USP34: variants seen among roughly 807,000 people sequenced by gnomAD.
The protein encoded by USP34 is ubiquitin specific peptidase 34, also known as ubiquitin carboxyl-terminal hydrolase 34.
USP34 carries 70 observed loss-of-function variants against 460.3 expected under a neutral mutation model. The observed-to-expected ratio is 0.15, with a 90% CI of 0.13 to 0.19. The LOEUF is 0.19. USP34 is among the 10% of genes least tolerant of loss of function. The probability of loss-of-function intolerance (pLI) is 1.00; values close to 1 mark genes in which losing one functional copy is unlikely to be tolerated. For synonymous variants in USP34, 1,647 were observed against 1,405.3 expected, an observed-to-expected ratio of 1.17 and a Z score of -3.85; for missense variants, 3,985 against 4,236.2, an observed-to-expected ratio of 0.94 and a Z score of 1.65.
intron 29 of USP34, 23 bp downstream of exon 29, chr2:61,300,928 T>A (rs1477161901): frequency 6.5e-7 from 1 of 1,542,554 alleles, no homozygotes; most frequent in South Asian, 1.2e-5. Flanking sequence ...AAAACAAGAT[T>A]TGTGAAAATG....
At chr2:61,366,284 G>T (rs1692438449) in intron 10 of USP34, among the ~76,000 whole-genome samples, 1 of 152,204 alleles carries the variant, frequency 6.6e-6, no homozygotes, top group African/African-American at 2.4e-5. Context: ...TAAGTTGTAA[G>T]AAAGCTATAG....
intron 43 of USP34, among the ~76,000 whole-genome samples, chr2:61,263,423 C>G (rs530434207): frequency 6.6e-6 from 1 of 151,730 alleles, no homozygotes; most frequent in South Asian, 2.1e-4. Flanking sequence ...TCAGGTGATC[C>G]GCCCGCCTCG....
At chr2:61,327,088 G>A (rs1164299201) in intron 20 of USP34, among the ~76,000 whole-genome samples, 1 of 151,804 alleles carries the variant, frequency 6.6e-6, no homozygotes, top group Admixed American at 6.6e-5. Context: ...GCACAGCCTG[G>A]GCATCTTAAT....
intron 53 of USP34, among the ~76,000 whole-genome samples, chr2:61,237,711 G>A (rs1462846940): frequency 2.0e-5 from 3 of 150,804 alleles, no homozygotes; most frequent in African/African-American, 7.3e-5. Flanking sequence ...TGGGACCACA[G>A]GTGCGTGCCA....
chr2:61,408,648 C>A (rs1395293970), intron 2 of USP34, among the ~76,000 whole-genome samples: 1 of 152,008 alleles, frequency 6.6e-6, no homozygotes, highest in African/African-American at 2.4e-5. Flanking sequence ...GTCATCACAG[C>A]ACTTTGGGAG....
intron 5 of USP34, among the ~76,000 whole-genome samples, chr2:61,386,448 T>G (rs1190336412): frequency 6.6e-6 from 1 of 151,990 alleles, no homozygotes; most frequent in Non-Finnish European, 1.5e-5. Flanking sequence ...GGTAAAGCAA[T>G]AATACTTGTT....
chr2:61,195,051 C>T (rs932887733), intron 75 of USP34, among the ~76,000 whole-genome samples: 9 of 150,956 alleles, frequency 6.0e-5, no homozygotes, highest in African/African-American at 1.9e-4. Context: ...GAAACCCCGT[C>T]TCTACTAAAA....
intron 1 of USP34, among the ~76,000 whole-genome samples, chr2:61,449,463 A>G (rs986683045): frequency 1.3e-5 from 2 of 151,922 alleles, no homozygotes; most frequent in African/African-American, 2.4e-5. Context: ...TTGATCCTAA[A>G]ACTCAGAAGG....
chr2:61,435,307 C>CAAAAAAA (rs59158283), intron 1 of USP34, among the ~76,000 whole-genome samples: 10,384 of 40,350 alleles, frequency 0.26, 2,122 homozygotes, highest in Non-Finnish European at 0.3. Context: ...GACCTTGTTT[C>CAAAAAAA]AAAAAAAAAA....
intron 16 of USP34, among the ~76,000 whole-genome samples, chr2:61,341,926 C>G (rs576804499): frequency 2.6e-3 from 400 of 151,786 alleles, no homozygotes; most frequent in African/African-American, 9.4e-3. Context: ...TCACACCCAG[C>G]TGATTTTTGT....
chr2:61,404,536 C>G (rs940030570), intron 3 of USP34, among the ~76,000 whole-genome samples: 2 of 152,122 alleles, frequency 1.3e-5, no homozygotes, highest in South Asian at 4.1e-4. Context: ...CTACTTTTGC[C>G]TTCCTGGAGC....
intron 57 of USP34, among the ~76,000 whole-genome samples, chr2:61,234,393 C>T (rs573884225): frequency 6.6e-6 from 1 of 152,274 alleles, no homozygotes; most frequent in East Asian, 1.9e-4. Flanking sequence ...CTGTCATTAC[C>T]TTTGAGTGGG....
chr2:61,212,485 C>T (rs893260166), intron 68 of USP34, among the ~76,000 whole-genome samples: 4 of 152,096 alleles, frequency 2.6e-5, no homozygotes, highest in Non-Finnish European at 4.4e-5. Flanking sequence ...ATGAGGTAAA[C>T]CTTTGTTCCA....
chr2:61,455,206 T>TCTCC (rs1300991463), intron 1 of USP34, among the ~76,000 whole-genome samples: 1 of 149,130 alleles, frequency 6.7e-6, no homozygotes, highest in Non-Finnish European at 1.5e-5. Flanking sequence ...TGAGACAGAG[T>TCTCC]CTCCGTCTGT....
At chr2:61,239,900 A>G (rs1203914772) in intron 53 of USP34, among the ~76,000 whole-genome samples, 3 of 151,788 alleles carry the variant, frequency 2.0e-5, no homozygotes, top group Non-Finnish European at 4.4e-5. Flanking sequence ...AGTCCCAGCT[A>G]CTAGGGAGGC....
intron 2 of USP34, among the ~76,000 whole-genome samples, chr2:61,408,768 C>G (rs566087655): frequency 1.3e-5 from 2 of 152,154 alleles, no homozygotes; most frequent in South Asian, 4.2e-4. Context: ...GGTGGTCTAC[C>G]TGTAATCCCA....
chr2:61,194,951 CAAAAAAAAAAAA>C (rs59097382), intron 75 of USP34, among the ~76,000 whole-genome samples: 1 of 126,238 alleles, frequency 7.9e-6, no homozygotes, highest in African/African-American at 3.0e-5. Context: ...GAAACTCTGT[CAAAAAAAAAAAA>C]AAAAAAAGTT....
rs559924448 is a variant in USP34, at chr2:61,278,025, G to A, written c.5433+140C>T. ...CCCCAGCCACATGGAACTCTGAGTC[G>A]AATTAAACCCTTTTCTTTTGTAAAC... On this transcript the variant is annotated intron_variant, in intron 41 of 79. Transcript: ENST00000398571. The A allele has an allele frequency of 3.4e-5, 38 of 1,102,942 alleles. No homozygotes were observed. In the African/African-American group the frequency reaches 4.5e-4, roughly 13 times the overall value. The allele number at this position is 1,102,942 out of a possible 1,614,324, so 68.3% of individuals were successfully genotyped here.
rs142406156 is a variant in USP34 at position 61,455,251 on chromosome 2, T to C, written c.43+15399A>G. Among the ~76,000 whole-genome samples the C allele has an allele frequency of 1.0e-3, 153 of 152,204 alleles. 2 individuals carry two copies. The East Asian group carries it at 0.01, about 10-fold the overall frequency. On this transcript the variant is annotated intron_variant, in intron 1 of 79. Coordinates refer to ENST00000398571, the MANE Select transcript of USP34 (RefSeq NM_014709.4). ...TGGAGTGCAGTGGTACGATCTCAGCTCACTGCAACCTCCGCCTCCCGGGTT... is the reference window on the plus strand; with the variant it reads ...TGGAGTGCAGTGGTACGATCTCAGCCCACTGCAACCTCCGCCTCCCGGGTT...
Sources: gnomAD v4.1 joint callset for allele counts (sites outside exome capture counted in the v4.1 genomes callset) on GRCh38, gnomAD v4.1.1 for gene constraint, MANE v1.5 for transcripts, NCBI Gene and HGNC (gene_info 2026-07-23, HGNC 2026-07-21) for gene names.